ZNF714: variants seen among roughly 807,000 people sequenced by gnomAD.
ZNF714 encodes the protein zinc finger protein 714.
A neutral mutation model predicts 46.2 loss-of-function variants in ZNF714; 32 were observed. The observed-to-expected ratio is 0.69, with a 90% CI of 0.52 to 0.93. The LOEUF (loss-of-function observed/expected upper bound fraction) is 0.93, where lower values mean the gene tolerates loss of function less well. Ranked by LOEUF, ZNF714 falls within the 40% of genes least tolerant of loss-of-function variation. ZNF714 has a pLI of 0.00. For synonymous variants in ZNF714, 199 were observed against 213.1 expected (o/e 0.93, Z 0.58); for missense variants, 635 against 646.3 (o/e 0.98, Z 0.19).
rs1968669779 is a variant in ZNF714 at position 21,082,344 on chromosome 19, A to G, written c.-181A>G. The stretch of plus-strand genomic sequence containing the variant: ...GACGCCAGGTACCCCGGAAGCCTAG[A>G]AATGGTGAGAGTGCCGGGTCCGACA... On this transcript the variant is annotated 5_prime_UTR_variant, in exon 1 of 5. Coordinates refer to ENST00000456283, the MANE Select transcript of ZNF714 (RefSeq NM_182515.4). 6.9e-7 allele frequency: 1 copy of G among 1,456,890 alleles called. No homozygotes were observed. The allele number at this position is 1,456,890 out of a possible 1,614,324, so 90.2% of individuals were successfully genotyped here. A position where few individuals can be genotyped will look rare whatever the true frequency, so the allele number is the denominator to read the frequency against.
At chr19:21,115,271 GAATA>G (rs1969565325) in intron 4 of ZNF714, among the ~76,000 whole-genome samples, 1 of 151,472 alleles carries the variant, frequency 6.6e-6, no homozygotes, top group African/African-American at 2.4e-5. Context: ...AAATTTTAGA[GAATA>G]ATTAAAAATG....
intron 2 of ZNF714, among the ~76,000 whole-genome samples, chr19:21,095,043 G>A (rs1969003864): frequency 6.6e-6 from 1 of 151,684 alleles, no homozygotes; most frequent in African/African-American, 2.4e-5. Flanking sequence ...ATGAATTCTG[G>A]GTATTAAACC....
intron 4 of ZNF714, among the ~76,000 whole-genome samples, chr19:21,111,062 G>A (rs1246522778): frequency 6.6e-6 from 1 of 152,096 alleles, no homozygotes; most frequent in Non-Finnish European, 1.5e-5. Context: ...GATTCTCTTG[G>A]CTATATGGGG....
At position 21,119,553 on chromosome 19, in the gene ZNF714, C is replaced by T. The variant is rs1969673088; in HGVS notation, c.*1221C>T. 1 of 152,396 alleles carries T rather than the reference C, an allele frequency of 6.6e-6. No homozygotes were observed. Among genetic ancestry groups the T allele is most frequent in the Non-Finnish European group, 1.5e-5 (1 of 68,176 alleles). 9.4% of individuals were successfully genotyped at this position (152,396 alleles called of 1,614,324 possible). ...GGAAAAACTCTGAAGCACTTTCACA[C>T]TTTGTTCAATATCAGGGAATTTATA... On this transcript the variant is annotated 3_prime_UTR_variant, in exon 5 of 5. Transcript: ENST00000456283.
intron 2 of ZNF714, among the ~76,000 whole-genome samples, chr19:21,095,664 C>T (rs1969019615): frequency 1.3e-5 from 2 of 151,954 alleles, no homozygotes; most frequent in South Asian, 4.2e-4. Flanking sequence ...GATGGGGCTT[C>T]ACTGTGGTCT....
intron 4 of ZNF714, among the ~76,000 whole-genome samples, chr19:21,105,785 T>G (rs1294952319): frequency 6.6e-6 from 1 of 151,572 alleles, no homozygotes; most frequent in Non-Finnish European, 1.5e-5. Context: ...TAAAACCCCG[T>G]CTCCACTAAA....
rs1002487593 is a variant in ZNF714, at chr19:21,084,106, A to G, written c.-85+37A>G. The G allele has an allele frequency of 1.7e-5, 14 of 838,752 alleles. No individual in the cohort carries two copies. In the African/African-American group the frequency reaches 2.0e-4, roughly 12 times the overall value. The allele number at this position is 838,752 out of a possible 1,614,324, so 52.0% of individuals were successfully genotyped here. On this transcript the variant is annotated intron_variant, in intron 2 of 4. Transcript: ENST00000456283. ...CTGGTACTGAGGGGAAAACACAGAAATAACATCTGCCTCCTGGATTGTCTA... is the reference window on the plus strand; with the variant it reads ...CTGGTACTGAGGGGAAAACACAGAAGTAACATCTGCCTCCTGGATTGTCTA...
intron 2 of ZNF714, chr19:21,091,429 T>G (rs1449489289): frequency 2.6e-5 from 4 of 152,192 alleles, no homozygotes; most frequent in Non-Finnish European, 4.4e-5. Flanking sequence ...CTAACCATCT[T>G]GGAATGCAGC....
rs1392231133 is a variant in ZNF714 at position 21,122,037 on chromosome 19, C to A, written c.*3705C>A. On this transcript the variant is annotated 3_prime_UTR_variant, in exon 5 of 5. Coordinates refer to ENST00000456283, the MANE Select transcript of ZNF714 (RefSeq NM_182515.4). ...CCATTTTGTTCTTTTAAGGGGAGAACAATATATAAGTTTTCTTTTCTTTAG... is the reference window on the plus strand; with the variant it reads ...CCATTTTGTTCTTTTAAGGGGAGAAAAATATATAAGTTTTCTTTTCTTTAG... 1 of 152,080 alleles carries A rather than the reference C, an allele frequency of 6.6e-6. No homozygotes were observed. Among genetic ancestry groups the A allele is most frequent in the African/African-American group, 2.4e-5 (1 of 41,420 alleles). 9.4% of individuals were successfully genotyped at this position (152,080 alleles called of 1,614,324 possible). A position where few individuals can be genotyped will look rare whatever the true frequency, so the allele number is the denominator to read the frequency against.
intron 4 of ZNF714, among the ~76,000 whole-genome samples, chr19:21,114,435 C>CA (rs34487712): frequency 0.81 from 100,673 of 124,762 alleles, 40,191 homozygotes; most frequent in Middle Eastern, 0.92. Flanking sequence ...GACTCCATCT[C>CA]AAAAAAAAAA....
At chr19:21,103,879 G>C (rs1969248348) in intron 4 of ZNF714, among the ~76,000 whole-genome samples, 1 of 152,120 alleles carries the variant, frequency 6.6e-6, no homozygotes, top group Non-Finnish European at 1.5e-5. Context: ...GAGTGACAGA[G>C]TGAGACCCTG....
intron 4 of ZNF714, 107 bp from the exon 5 acceptor site, chr19:21,116,700 T>C (rs752067551): frequency 1.4e-5 from 18 of 1,314,924 alleles, no homozygotes; most frequent in Non-Finnish European, 1.8e-5. Context: ...TGTGGTATTT[T>C]ATTATGGCAT....
chr19:21,104,314 G>A (rs1969260513), intron 4 of ZNF714, among the ~76,000 whole-genome samples: 1 of 151,956 alleles, frequency 6.6e-6, no homozygotes, highest in African/African-American at 2.4e-5. Flanking sequence ...CTGCCTTTTG[G>A]CTTTTGTGAA....
chr19:21,108,734 G>A (rs758614595), intron 4 of ZNF714, among the ~76,000 whole-genome samples: 2 of 152,102 alleles, frequency 1.3e-5, no homozygotes, highest in Non-Finnish European at 2.9e-5. Context: ...ATACACTCAG[G>A]TATTCCTCTT....
intron 2 of ZNF714, among the ~76,000 whole-genome samples, chr19:21,085,881 T>A (rs1444127779): frequency 2.8e-5 from 4 of 145,432 alleles, no homozygotes; most frequent in Non-Finnish European, 3.0e-5. Flanking sequence ...TAGGTTTATG[T>A]AAAAAAAAAA....
intron 4 of ZNF714, among the ~76,000 whole-genome samples, chr19:21,101,115 T>A (rs1179369770): frequency 6.6e-6 from 1 of 152,220 alleles, no homozygotes; most frequent in African/African-American, 2.4e-5. Flanking sequence ...AATGGCTTTT[T>A]AAAAATGTTT....
chr19:21,113,133 A>G (rs1306246512), intron 4 of ZNF714: 3 of 152,274 alleles, frequency 2.0e-5, no homozygotes, highest in Middle Eastern at 3.4e-3. Flanking sequence ...GCCAAAGCCT[A>G]CAGCACCCGG....
At chr19:21,102,798 C>T (rs1049050311) in intron 4 of ZNF714, among the ~76,000 whole-genome samples, 1 of 152,034 alleles carries the variant, frequency 6.6e-6, no homozygotes, top group Non-Finnish European at 1.5e-5. Context: ...GTAAACATGT[C>T]TCTTACTGTT....
At chr19:21,085,857 A>C (rs1968765310) in intron 2 of ZNF714, among the ~76,000 whole-genome samples, 1 of 146,950 alleles carries the variant, frequency 6.8e-6, no homozygotes, top group Admixed American at 7.1e-5. Flanking sequence ...AGGCTTTGGA[A>C]TATCAAACAA....
Sources: gnomAD v4.1 joint callset for allele counts (sites outside exome capture counted in the v4.1 genomes callset) on GRCh38, gnomAD v4.1.1 for gene constraint, MANE v1.5 for transcripts, NCBI Gene and HGNC (gene_info 2026-07-23, HGNC 2026-07-21) for gene names.